Variants in SULT1C2 observed in about 807,000 individuals in gnomAD.
The protein encoded by SULT1C2 is sulfotransferase family 1C member 2.
Under a neutral mutation model 36.0 loss-of-function variants are expected in SULT1C2, and 27 were observed. That is an observed-to-expected ratio of 0.75 (90% CI 0.55 to 1.03). The LOEUF (loss-of-function observed/expected upper bound fraction) is 1.03. Among genes scored for constraint, SULT1C2 ranks in the 50% least tolerant of loss-of-function variants. SULT1C2 has a pLI of 0.00. For missense variants in SULT1C2, 395 were observed against 359.2 expected, an observed-to-expected ratio of 1.10 and a Z score of -0.80; for synonymous variants, 121 against 116.0, an observed-to-expected ratio of 1.04 and a Z score of -0.27.
rs1677004138 is a variant in SULT1C2 at position 108,305,579 on chromosome 2, CTCCT to C, written c.765_768del (p.Phe256Ter). The C allele has an allele frequency of 6.8e-6, 11 of 1,614,064 alleles. No individual in the cohort carries two copies. Among genetic ancestry groups the C allele is most frequent in the Non-Finnish European group, 9.3e-6 (11 of 1,180,036 alleles). ...AATCTATCTTGGACCAGTCAATTTC[CTCCT>C]TCATGAGAAAAGGTGTGTGGGGCCT... On this transcript the variant is annotated frameshift_variant, in exon 7 of 8. Transcript: ENST00000251481. LOFTEE classifies it low-confidence loss of function (END_TRUNC).
Position 108,293,609 on chromosome 2 carries a change from C to G in SULT1C2, c.-21-38C>G. The G allele has an allele frequency of 3.3e-6, 5 of 1,537,420 alleles. No homozygotes were observed. In the South Asian group the frequency reaches 3.8e-5, roughly 12 times the overall value. ...ATTTTATGTTATGTATATTTTACCA[C>G]AACTTCTTTAAAAATCTCCTCTATT... is the stretch of plus-strand genomic sequence containing the variant. On this transcript the variant is annotated intron_variant, in intron 1 of 7. Transcript: ENST00000251481.
intron 1 of SULT1C2, among the ~76,000 whole-genome samples, chr2:108,289,461 A>T (rs1344876526): frequency 6.6e-6 from 1 of 152,162 alleles, no homozygotes; most frequent in African/African-American, 2.4e-5. Context: ...CTGCAAGGGG[A>T]CTGAACCAGA....
In SULT1C2 at chr2:108,293,848, AC is replaced by A. The variant is rs765789667; in HGVS notation, c.151+32del. On this transcript the variant is annotated intron_variant, in intron 2 of 7. Coordinates refer to ENST00000251481, the MANE Select transcript of SULT1C2 (RefSeq NM_001056.4). The stretch of plus-strand genomic sequence containing the variant: ...TTGCAGGGTAGGAGGGACAGCAAAG[AC>A]CTGCTGAGCCAGCACAGGCTCATCA... 1.5e-3 allele frequency: 2,365 copies of A among 1,606,852 alleles called. 2 individuals are homozygous for A. Among genetic ancestry groups the A allele is most frequent in the Non-Finnish European group, 1.8e-3 (2,141 of 1,176,704 alleles).
chr2:108,305,542 C>T lies in SULT1C2; in HGVS notation c.725C>T (p.Ser242Phe), dbSNP rs148075644. Residue 242 changes from serine to phenylalanine, a missense_variant, in exon 7 of 8, where the codon TCT becomes TTT. Ser to Phe is a radical substitution (Grantham distance 155). Coordinates refer to ENST00000251481, the MANE Select transcript of SULT1C2 (RefSeq NM_001056.4). ...AAAGAAAATCCCATGACAAATCGTT[C>T]TACAGTTTCCAAATCTATCTTGGAC... ...KMKENPMTNR[S>F]TVSKSILDQS... 9.6e-4 allele frequency: 1,549 copies of T among 1,614,058 alleles called. 1 individual carries two copies. The highest frequency in any genetic ancestry group is 1.2e-3 in the Non-Finnish European group (1,368 of 1,180,048).
chr2:108,304,705 G>T lies in SULT1C2; in HGVS notation c.502+5G>T, dbSNP rs17036092. On this transcript the variant is annotated splice_donor_5th_base_variant and intron_variant, in intron 5 of 7. Transcript: ENST00000251481. ...AAACCTTCATCAATGGAAAAGGTACGGGAACATCCTTCACACCCTTGCATT... is the reference window on the plus strand; with the variant it reads ...AAACCTTCATCAATGGAAAAGGTACTGGAACATCCTTCACACCCTTGCATT... 3 of 1,609,134 alleles carry T rather than the reference G, an allele frequency of 1.9e-6. No individual in the cohort carries two copies. The highest frequency in any genetic ancestry group is 2.5e-6 in the Non-Finnish European group (3 of 1,178,060).
At chr2:108,292,438 ACAC>A in intron 1 of SULT1C2, among the ~76,000 whole-genome samples, 2 of 139,690 alleles carry the variant, frequency 1.4e-5, no homozygotes, top group East Asian at 2.0e-4. Flanking sequence ...ACACACACAC[ACAC>A]AATGCAAAAC....
At chr2:108,308,321 T>C (rs1677072274) in intron 7 of SULT1C2, 31 bp from the exon 8 acceptor site, 3 of 1,578,652 alleles carry the variant, frequency 1.9e-6, no homozygotes, top group African/African-American at 1.4e-5. Context: ...TCAATCAGAG[T>C]GACACTCCTG....
At chr2:108,296,215 A>C (rs1676722295) in intron 3 of SULT1C2, among the ~76,000 whole-genome samples, 1 of 152,238 alleles carries the variant, frequency 6.6e-6, no homozygotes, top group African/African-American at 2.4e-5. Flanking sequence ...AAGTATTCTT[A>C]GCAGTAGAGA....
At chr2:108,300,343 A>T (rs1222773176) in intron 3 of SULT1C2, 1 of 154,660 alleles carries the variant, frequency 6.5e-6, no homozygotes, top group Non-Finnish European at 1.4e-5. Context: ...GCACCACTGC[A>T]CTCCAGCCTG....
At chr2:108,306,806 T>G (rs1320054666) in intron 7 of SULT1C2, among the ~76,000 whole-genome samples, 2 of 151,824 alleles carry the variant, frequency 1.3e-5, no homozygotes, top group African/African-American at 4.8e-5. Flanking sequence ...TTCGGGAGGC[T>G]CATGCAGGAG....
chr2:108,295,101 T>A (rs1004316167), intron 3 of SULT1C2, among the ~76,000 whole-genome samples: 2 of 152,124 alleles, frequency 1.3e-5, no homozygotes, highest in Non-Finnish European at 2.9e-5. Flanking sequence ...TTGGAGCAAC[T>A]GTAGACAGAG....
intron 3 of SULT1C2, chr2:108,298,763 C>T: frequency 4.3e-6 from 1 of 231,614 alleles, no homozygotes. Context: ...TTAGTTCTTC[C>T]ACCTGTTTTT....
chr2:108,294,171 CTT>C, intron 2 of SULT1C2, 56 bp from the exon 3 acceptor site: 1 of 1,607,382 alleles, frequency 6.2e-7, no homozygotes, highest in African/African-American at 1.3e-5. Flanking sequence ...ACTCGGGACT[CTT>C]CAGGGAAGAT....
chr2:108,303,694 G>T (rs543728738), intron 4 of SULT1C2: 1 of 152,350 alleles, frequency 6.6e-6, no homozygotes, highest in South Asian at 2.1e-4. Context: ...ATTTGGGGCA[G>T]ATTTTTCTTT....
intron 3 of SULT1C2, among the ~76,000 whole-genome samples, chr2:108,297,410 G>C (rs1335266064): frequency 6.6e-6 from 1 of 152,172 alleles, no homozygotes; most frequent in Non-Finnish European, 1.5e-5. Flanking sequence ...ACTCCCATGG[G>C]GCTGTTTCTA....
At position 108,304,756 on chromosome 2, in the gene SULT1C2, G is replaced by C. The variant is rs143111295; in HGVS notation, c.502+56G>C. The C allele has an allele frequency of 4.8e-4, 754 of 1,560,128 alleles. 1 individual carries two copies. The African/African-American group carries it at 9.4e-3, about 19-fold the overall frequency. On this transcript the variant is annotated intron_variant, in intron 5 of 7. Coordinates refer to ENST00000251481, the MANE Select transcript of SULT1C2 (RefSeq NM_001056.4). ...CTCACTCCAGCTAGGCTGGGTCTAG[G>C]GAACCACAGGCAGCATTTTATCCCC...
At chr2:108,296,753 T>C (rs1007572269) in intron 3 of SULT1C2, among the ~76,000 whole-genome samples, 6 of 152,188 alleles carry the variant, frequency 3.9e-5, no homozygotes, top group Admixed American at 3.9e-4. Flanking sequence ...GCCCAGCCAG[T>C]GGTTTTCTTT....
intron 3 of SULT1C2, among the ~76,000 whole-genome samples, chr2:108,296,478 G>T (rs1388699181): frequency 6.7e-6 from 1 of 150,080 alleles, no homozygotes; most frequent in African/African-American, 2.5e-5. Context: ...TTGAGACAAA[G>T]TCTGGCTCTG....
rs1336065101 is a variant in SULT1C2, at chr2:108,294,257, T to C, written c.180T>C (p.Asp60=). The change falls in exon 3 of 8, where the codon GAT becomes GAC. Residue 60 remains aspartate, a synonymous_variant. Transcript: ENST00000251481. ...AGTTWIQEIV[D]MIEQNGDVEK... is the part of the protein sequence containing the mutation. ...CAACGTGGATTCAGGAAATTGTGGATATGATTGAACAGAATGGGGACGTGG... is the reference window on the plus strand; with the variant it reads ...CAACGTGGATTCAGGAAATTGTGGACATGATTGAACAGAATGGGGACGTGG... 1 of 1,614,008 alleles carries C rather than the reference T, an allele frequency of 6.2e-7. No homozygotes were observed. Among genetic ancestry groups the C allele is most frequent in the South Asian group, 1.1e-5 (1 of 91,042 alleles).
Sources: allele counts gnomAD v4.1 joint callset (sites outside exome capture counted in the v4.1 genomes callset), GRCh38; gene constraint gnomAD v4.1.1; transcripts MANE v1.5; gene names NCBI Gene and HGNC (gene_info 2026-07-23, HGNC 2026-07-21).